NKPD1: variants seen among roughly 807,000 people sequenced by gnomAD.
NKPD1 encodes the protein NTPase KAP family P-loop domain containing 1, also known as NTPase KAP family P-loop domain-containing protein 1.
Under a neutral mutation model 42.2 loss-of-function variants are expected in NKPD1, and 37 were observed. That is an observed-to-expected ratio of 0.88 (90% CI 0.67 to 1.15). The LOEUF (loss-of-function observed/expected upper bound fraction) is 1.15, where lower values mean the gene tolerates loss of function less well. NKPD1 is among the 50% of genes most tolerant of loss of function. The pLI, the probability that NKPD1 is intolerant of heterozygous loss-of-function variation, is 0.00. For missense variants in NKPD1, 1,113 were observed against 1,174.6 expected (o/e 0.95, Z 0.77); for synonymous variants, 552 against 536.5 (o/e 1.03, Z -0.40).
Position 45,153,656 on chromosome 19 carries a change from G to T in NKPD1, c.781C>A (p.Gln261Lys). 6.3e-7 allele frequency: 1 copy of T among 1,580,608 alleles called. No homozygotes were observed. Among genetic ancestry groups the T allele is most frequent in the African/African-American group, 1.3e-5 (1 of 74,612 alleles). Residue 261 changes from glutamine to lysine, a missense_variant, in exon 5 of 5, where the codon CAG (glutamine) becomes AAG (lysine). Transcript: ENST00000686631. The stretch of plus-strand genomic sequence containing the variant: ...AGGTGCACCTCGGTGATGATGGGCT[G>T]CAGGAACACCAGGTACCACAGTAGC... ...PQLLWYLVFL[Q>K]PIITEVHLRR...
upstream of NKPD1, among the ~76,000 whole-genome samples, chr19:45,161,280 T>C (rs561941702): frequency 6.6e-6 from 1 of 152,286 alleles, no homozygotes; most frequent in African/African-American, 2.4e-5. Flanking sequence ...TATGTGACCT[T>C]GGGCAGGTGA....
chr19:45,158,067 C>T lies in NKPD1; in HGVS notation c.529+596G>A, dbSNP rs1029977255. 3.9e-5 allele frequency among the ~76,000 whole-genome samples: 6 copies of T among 152,154 alleles called. No homozygotes were observed. The highest frequency in any genetic ancestry group is 5.9e-5 in the Non-Finnish European group (4 of 68,026). On this transcript the variant is annotated intron_variant, in intron 3 of 4. Transcript: ENST00000686631. The surrounding 1 kb of genome is among the most constrained non-coding windows in gnomAD (Gnocchi z 4.6). ...TTTCCATGTTTCCTGTACCTGCCCC[C>T]GGCTGCAATGCAATGTGAGCCCCAT...
chr19:45,158,551 G>A lies in NKPD1; in HGVS notation c.529+112C>T. On this transcript the variant is annotated intron_variant, in intron 3 of 4. Coordinates refer to ENST00000686631, the MANE Select transcript of NKPD1 (RefSeq NM_198478.4). This position sits in a 1 kb window ranked among gnomAD's most constrained non-coding sequence, Gnocchi z 4.6. Reference sequence around the variant, plus strand: ...CGCACCCCTCCTAGATAGGGAACAGGGTGTGGATGAAGAGGGCAGGTGCAA... The same window carrying A: ...CGCACCCCTCCTAGATAGGGAACAGAGTGTGGATGAAGAGGGCAGGTGCAA... The A allele has an allele frequency of 9.1e-7, 1 of 1,098,008 alleles. No homozygotes were observed. Among genetic ancestry groups the A allele is most frequent in the Non-Finnish European group, 1.1e-6 (1 of 892,776 alleles). 68.0% of individuals were successfully genotyped at this position (1,098,008 alleles called of 1,614,324 possible).
Position 45,152,774 on chromosome 19 carries a change from C to A in NKPD1, c.1663G>T (p.Glu555Ter). The part of the protein sequence containing the change: ...VQSRDDLLYR[E>*]MTRKPWLPGD... ...GGCAGCCACGGCTTGCGCGTCATCT[C>A]GCGGTACAACAGGTCGTCGCGGCTC... Residue 555 changes from glutamate to a stop codon, truncating the protein, a stop_gained, in exon 5 of 5, where the codon GAG becomes TAG. Transcript: ENST00000686631. LOFTEE classifies it low-confidence loss of function (END_TRUNC). The A allele has an allele frequency of 6.3e-7, 1 of 1,599,352 alleles. No homozygotes were observed. The highest frequency in any genetic ancestry group is 8.5e-7 in the Non-Finnish European group (1 of 1,174,420).
chr19:45,154,519 ACT>A (rs769441423), intron 4 of NKPD1, among the ~76,000 whole-genome samples: 28 of 151,800 alleles, frequency 1.8e-4, no homozygotes, highest in Non-Finnish European at 3.7e-4. Context: ...AGGAGTAGGG[ACT>A]CTCTGTTCTT....
rs867490292 is a variant in NKPD1, at chr19:45,152,041, G to A, written c.2396C>T (p.Ala799Val). ...GTCCCCAGTGTGGTGGCCTTCGCCG[G>A]CTTGCCCTGAGGCACGGCCCGACGG... ...APPSGRASGQ[A>V]GEGHHTGDLA... Residue 799 changes from alanine to valine, a missense_variant, in exon 5 of 5, where the codon GCC becomes GTC. By Grantham distance (64) the Ala-to-Val change is moderately conservative. Transcript: ENST00000686631. 6.2e-7 allele frequency: 1 copy of A among 1,609,026 alleles called. No homozygotes were observed. Among genetic ancestry groups the A allele is most frequent in the Non-Finnish European group, 8.5e-7 (1 of 1,178,218 alleles).
At chr19:45,162,100 C>T (rs1490701205), upstream of NKPD1, among the ~76,000 whole-genome samples, 1 of 152,128 alleles carries the variant, frequency 6.6e-6, no homozygotes, top group Non-Finnish European at 1.5e-5. Context: ...GCCTCCGTGC[C>T]AACCCCCCAC....
chr19:45,154,920 G>C (rs1175075530), intron 4 of NKPD1, among the ~76,000 whole-genome samples: 4 of 151,980 alleles, frequency 2.6e-5, no homozygotes, highest in Non-Finnish European at 5.9e-5. Flanking sequence ...AGCTACTTGG[G>C]AGGCTGAGGC....
upstream of NKPD1, among the ~76,000 whole-genome samples, chr19:45,161,256 C>T (rs555070938): frequency 2.2e-4 from 34 of 152,190 alleles, 1 homozygote; most frequent in Non-Finnish European, 4.6e-4. Context: ...ATGCCAGCTC[C>T]TCCGTGGCCC....
intron 2 of NKPD1, 131 bp from the exon 3 acceptor site, chr19:45,159,231 A>G: frequency 1.1e-6 from 1 of 892,278 alleles, no homozygotes; most frequent in South Asian, 1.8e-5. Context: ...AACCCCTCAA[A>G]AAGTAAGATT....
Position 45,158,731 on chromosome 19 carries a change from C to A in NKPD1, c.461G>T (p.Ser154Ile). The change falls in exon 3 of 5, where the codon AGC becomes ATC. Residue 154 changes from serine to isoleucine, a missense_variant. By Grantham distance (142) the Ser-to-Ile change is moderately radical. Transcript: ENST00000686631. The surrounding 1 kb of genome is among the most constrained non-coding windows in gnomAD (Gnocchi z 4.6). ...PSAAGVLLKP[S>I]EPTDARPLPA... ...CAGGGGCCGGGCATCAGTGGGCTCG[C>A]TGGGCTTCAGGAGGACGCCAGCCGC... The A allele has an allele frequency of 3.3e-6, 4 of 1,204,770 alleles. No individual in the cohort carries two copies. The highest frequency in any genetic ancestry group is 4.2e-6 in the Non-Finnish European group (4 of 943,656). 74.6% of individuals were successfully genotyped at this position (1,204,770 alleles called of 1,614,324 possible). A position where few individuals can be genotyped will look rare whatever the true frequency, so the allele number is the denominator to read the frequency against.
chr19:45,157,105 C>T lies in NKPD1; in HGVS notation c.530-1189G>A, dbSNP rs540423001. 6.6e-5 allele frequency among the ~76,000 whole-genome samples: 10 copies of T among 152,374 alleles called. No individual in the cohort carries two copies. The South Asian group carries it at 1.0e-3, about 16-fold the overall frequency. On this transcript the variant is annotated intron_variant, in intron 3 of 4. Coordinates refer to ENST00000686631, the MANE Select transcript of NKPD1 (RefSeq NM_198478.4). ...GTCTCCACCTCTGCTGCCGCCACCC[C>T]GGCAAGGCTGCCGCACCTCTCGCCT...
chr19:45,150,630 A>C lies in NKPD1; in HGVS notation c.*1308T>G, dbSNP rs921805408. On this transcript the variant is annotated 3_prime_UTR_variant, in exon 5 of 5. Transcript: ENST00000686631. ...CCAGGCGTATCCTACCAGCTTAGTC[A>C]GTCCAGGAATGGGAAACAGCACCTC... 1 of 148,296 alleles carries C rather than the reference A, an allele frequency of 6.7e-6. No homozygotes were observed. Among genetic ancestry groups the C allele is most frequent in the African/African-American group, 2.4e-5 (1 of 41,160 alleles). The allele number at this position is 148,296 out of a possible 1,614,324, so 9.2% of individuals were successfully genotyped here.
chr19:45,161,997 TC>T (rs1177095089), upstream of NKPD1, among the ~76,000 whole-genome samples: 22 of 150,990 alleles, frequency 1.5e-4, no homozygotes, highest in African/African-American at 5.4e-4. Context: ...CCCCGTCTCC[TC>T]CCCCACCCTT....
chr19:45,152,325 C>T lies in NKPD1; in HGVS notation c.2112G>A (p.Met704Ile), dbSNP rs1376826475. The T allele has an allele frequency of 6.2e-7, 1 of 1,609,134 alleles. No individual in the cohort carries two copies. ...CGAGCACGTTCTGCAACGCCTTGGT[C>T]ATGGTGTGCAGCTCGCGGCTGTTGT... Reference protein sequence around the residue: ...FRDNSRELHTMTKALQNVLDL... With the variant: ...FRDNSRELHTITKALQNVLDL... Residue 704 changes from methionine to isoleucine, a missense_variant, in exon 5 of 5, where the codon ATG becomes ATA. Physicochemically the swap from Met to Ile is conservative, Grantham distance 10. Transcript: ENST00000686631.
rs200529734 is a variant in NKPD1 at position 45,152,510 on chromosome 19, CCTG to C, written c.1924_1926del (p.Gln642del). 761 of 1,558,062 alleles carry C rather than the reference CCTG, an allele frequency of 4.9e-4. No homozygotes were observed. The highest frequency in any genetic ancestry group is 2.1e-3 in the Admixed American group (115 of 54,900). On this transcript the variant is annotated inframe_deletion, in exon 5 of 5. Transcript: ENST00000686631. The stretch of plus-strand genomic sequence containing the variant: ...CGCGGCGTGGGGCCCCCAAAGTCCC[CCTG>C]CTGCTGCTGCTGCTGCAGCAGGCGC...
chr19:45,153,453 G>C lies in NKPD1; in HGVS notation c.984C>G (p.Asp328Glu), dbSNP rs1391253487. 2.6e-6 allele frequency: 4 copies of C among 1,549,662 alleles called. No individual in the cohort carries two copies. Among genetic ancestry groups the C allele is most frequent in the East Asian group, 2.4e-5 (1 of 41,880 alleles). The part of the protein sequence containing the change: ...VLGNKPATRQ[D>E]CCQSEWHCRR... ...GACAATGCCACTCGCTCTGGCAGCA[G>C]TCCTGCCTGGTGGCCGGCTTGTTGC... Residue 328 changes from aspartate to glutamate, a missense_variant, in exon 5 of 5, where the codon GAC becomes GAG. Coordinates refer to ENST00000686631, the MANE Select transcript of NKPD1 (RefSeq NM_198478.4).
chr19:45,153,788 A>G lies in NKPD1; in HGVS notation c.662-13T>C. The G allele has an allele frequency of 7.0e-7, 1 of 1,433,542 alleles. No homozygotes were observed. Among genetic ancestry groups the G allele is most frequent in the South Asian group, 1.4e-5 (1 of 69,226 alleles). 88.8% of individuals were successfully genotyped at this position (1,433,542 alleles called of 1,614,324 possible). On this transcript the variant is annotated splice_polypyrimidine_tract_variant and intron_variant, in intron 4 of 4. Transcript: ENST00000686631. ...TGCTGCATCAGCGCTGCGGGAAGGG[A>G]GCCCGGGAGCCGCGTGAGCCGCAGA...
intron 2 of NKPD1, 40 bp from the exon 3 acceptor site, chr19:45,159,140 C>G: frequency 8.0e-7 from 1 of 1,246,452 alleles, no homozygotes. Context: ...CCTGTGTCCC[C>G]GACCCCCGGG....
Sources: gnomAD v4.1 joint callset for allele counts (sites outside exome capture counted in the v4.1 genomes callset) on GRCh38, gnomAD v4.1.1 for gene constraint, Gnocchi (gnomAD v3.1) non-coding constraint, MANE v1.5 for transcripts, NCBI Gene and HGNC (gene_info 2026-07-23, HGNC 2026-07-21) for gene names.